The following LRRC4C variants were observed in gnomAD, a reference collection of about 807,000 sequenced individuals.
The protein encoded by LRRC4C is leucine-rich repeat-containing protein 4C.
A neutral mutation model predicts 33.6 loss-of-function variants in LRRC4C; 5 were observed. That is an observed-to-expected ratio of 0.15 (90% CI 0.08 to 0.31). The LOEUF (loss-of-function observed/expected upper bound fraction) is 0.31, where lower values mean the gene tolerates loss of function less well. Among genes scored for constraint, LRRC4C ranks in the 10% least tolerant of loss-of-function variants. The pLI is 1.00. For synonymous variants in LRRC4C, 329 were observed against 302.0 expected, an observed-to-expected ratio of 1.09 and a Z score of -0.93; for missense variants, 560 against 796.7, an observed-to-expected ratio of 0.70 and a Z score of 3.58.
intron 4 of LRRC4C, among the ~76,000 whole-genome samples, chr11:40,284,737 A>G (rs1943717445): frequency 6.6e-6 from 1 of 152,192 alleles, no homozygotes; most frequent in South Asian, 2.1e-4. Context: ...AGATACTGAC[A>G]TCATTTAAAA....
At chr11:40,830,729 G>A (rs1214980614) in intron 2 of LRRC4C, among the ~76,000 whole-genome samples, 9 of 152,096 alleles carry the variant, frequency 5.9e-5, no homozygotes, top group African/African-American at 9.6e-5. Flanking sequence ...ATTCATCTTC[G>A]TTTGTAGGTT....
chr11:40,290,969 A>G (rs943199619), intron 4 of LRRC4C, among the ~76,000 whole-genome samples: 2 of 152,122 alleles, frequency 1.3e-5, no homozygotes, highest in African/African-American at 2.4e-5. Flanking sequence ...TTGGATCCCA[A>G]ACTGACTTTT....
intron 3 of LRRC4C, among the ~76,000 whole-genome samples, chr11:40,599,505 A>G (rs1959753595): frequency 6.6e-6 from 1 of 152,108 alleles, no homozygotes; most frequent in Non-Finnish European, 1.5e-5. Flanking sequence ...ATTAGTCATT[A>G]TCAAGGTATC....
intron 2 of LRRC4C, among the ~76,000 whole-genome samples, chr11:40,736,634 T>G (rs1371866162): frequency 6.6e-6 from 1 of 152,172 alleles, no homozygotes; most frequent in Non-Finnish European, 1.5e-5. Flanking sequence ...CCACAAACAG[T>G]GTAAAAGCGT....
At chr11:40,572,964 G>T (rs537373953) in intron 3 of LRRC4C, among the ~76,000 whole-genome samples, 1 of 152,130 alleles carries the variant, frequency 6.6e-6, no homozygotes, top group Non-Finnish European at 1.5e-5. Flanking sequence ...AATTTATTTT[G>T]TCTTCTGCAA....
At chr11:41,192,933 C>G (rs547910960) in intron 1 of LRRC4C, among the ~76,000 whole-genome samples, 1 of 152,180 alleles carries the variant, frequency 6.6e-6, no homozygotes, top group African/African-American at 2.4e-5. Flanking sequence ...AGAAGAATAT[C>G]TGCCTGAACA....
chr11:40,655,967 G>C (rs1328434904), intron 2 of LRRC4C, among the ~76,000 whole-genome samples: 1 of 152,058 alleles, frequency 6.6e-6, no homozygotes, highest in East Asian at 1.9e-4. Flanking sequence ...TAAACCATCA[G>C]ATTTCATGAG....
intron 1 of LRRC4C, among the ~76,000 whole-genome samples, chr11:40,999,860 T>C (rs373343858): frequency 5.9e-5 from 9 of 152,168 alleles, no homozygotes; most frequent in Non-Finnish European, 1.2e-4. Context: ...GAGGTAACAT[T>C]GGACCTGGTG....
intron 1 of LRRC4C, among the ~76,000 whole-genome samples, chr11:41,087,387 G>GT (rs1260148461): frequency 2.0e-5 from 3 of 152,070 alleles, no homozygotes; most frequent in Non-Finnish European, 4.4e-5. Context: ...ACATAAAACT[G>GT]TCAAAACCTT....
At chr11:41,453,632 A>C (rs1956092561) in intron 1 of LRRC4C, among the ~76,000 whole-genome samples, 1 of 151,974 alleles carries the variant, frequency 6.6e-6, no homozygotes, top group Non-Finnish European at 1.5e-5. Context: ...TATGGGAATA[A>C]TAATGTTACC....
In LRRC4C at chr11:40,556,556, A is replaced by G. The variant is rs118168883; in HGVS notation, c.-270+91586T>C. ...ATATCTCAATAGGCTCTGCAGTCCAACTGATCCTCTCATTTCTGTGTCTGC... is the reference window on the plus strand; with the variant it reads ...ATATCTCAATAGGCTCTGCAGTCCAGCTGATCCTCTCATTTCTGTGTCTGC... On this transcript the variant is annotated intron_variant, in intron 3 of 6. Coordinates refer to ENST00000528697, the MANE Select transcript of LRRC4C (RefSeq NM_001258419.2). Among the ~76,000 whole-genome samples the G allele has an allele frequency of 2.4e-4, 36 of 152,260 alleles. 1 individual carries two copies. In the East Asian group the frequency reaches 6.6e-3, roughly 28 times the overall value.
chr11:40,174,889 C>T (rs759397484), intron 5 of LRRC4C, among the ~76,000 whole-genome samples: 3 of 152,126 alleles, frequency 2.0e-5, no homozygotes, highest in Admixed American at 6.6e-5. Context: ...CGGTCACATG[C>T]TTTGATTAAA....
chr11:41,034,847 T>C (rs1045849736), intron 1 of LRRC4C, among the ~76,000 whole-genome samples: 26 of 150,338 alleles, frequency 1.7e-4, no homozygotes, highest in African/African-American at 6.3e-4. Flanking sequence ...AACAAGTATA[T>C]CCAAAATTTC....
At chr11:40,225,586 C>A (rs148054080) in intron 5 of LRRC4C, among the ~76,000 whole-genome samples, 1 of 151,500 alleles carries the variant, frequency 6.6e-6, no homozygotes. Context: ...ACACAGCAAA[C>A]GCCCAATATA....
intron 3 of LRRC4C, among the ~76,000 whole-genome samples, chr11:40,610,384 A>G (rs1961084426): frequency 6.6e-6 from 1 of 151,830 alleles, no homozygotes; most frequent in South Asian, 2.1e-4. Flanking sequence ...TAAAAAGGCC[A>G]TACATGAAAA....
intron 1 of LRRC4C, among the ~76,000 whole-genome samples, chr11:41,359,556 CAG>C (rs1952278759): frequency 6.6e-6 from 1 of 151,958 alleles, no homozygotes; most frequent in South Asian, 2.1e-4. Context: ...AGGAAGGACA[CAG>C]AGTCGAATTT....
intron 1 of LRRC4C, among the ~76,000 whole-genome samples, chr11:40,989,340 C>T (rs971465572): frequency 2.0e-5 from 3 of 152,008 alleles, no homozygotes; most frequent in African/African-American, 7.2e-5. Flanking sequence ...AATGTGAATC[C>T]TCAAACATCC....
rs140961293 is a variant in LRRC4C at position 40,914,677 on chromosome 11, A to G, written c.-407+18958T>C. On this transcript the variant is annotated intron_variant, in intron 2 of 6. Coordinates refer to ENST00000528697, the MANE Select transcript of LRRC4C (RefSeq NM_001258419.2). ...CTCTCTCACCTCTGCTATTCAACAT[A>G]GTGTTGGAAGTTCTGGCCAGGACAA... 5.7e-3 allele frequency among the ~76,000 whole-genome samples: 868 copies of G among 152,276 alleles called. 12 individuals are homozygous for G. Among genetic ancestry groups the G allele is most frequent in the African/African-American group, 0.019 (806 of 41,552 alleles).
At chr11:40,882,239 T>C (rs917072729) in intron 2 of LRRC4C, among the ~76,000 whole-genome samples, 4 of 152,094 alleles carry the variant, frequency 2.6e-5, no homozygotes, top group African/African-American at 9.7e-5. Context: ...AATTTGCTCA[T>C]GTTATTTCTA....
Sources: allele counts gnomAD v4.1 joint callset (sites outside exome capture counted in the v4.1 genomes callset), GRCh38; gene constraint gnomAD v4.1.1; transcripts MANE v1.5; gene names NCBI Gene and HGNC (gene_info 2026-07-23, HGNC 2026-07-21).